The following UNC5D variants were observed in gnomAD, a reference collection of about 807,000 sequenced individuals.
UNC5D encodes netrin receptor UNC5D.
In UNC5D, 39 loss-of-function variants were observed where a neutral mutation model predicts 105.4. That is an observed-to-expected ratio of 0.37 (90% CI 0.29 to 0.48). The LOEUF is 0.48. Ranked by LOEUF, UNC5D falls within the 20% of genes least tolerant of loss-of-function variation. The probability of loss-of-function intolerance (pLI) is 0.98; values close to 1 mark genes in which losing one functional copy is unlikely to be tolerated. For missense variants in UNC5D, 991 were observed against 1,202.4 expected (o/e 0.82, Z 2.60); for synonymous variants, 452 against 450.4 (o/e 1.00, Z -0.04).
intron 4 of UNC5D, among the ~76,000 whole-genome samples, chr8:35,681,841 T>C (rs1825683778): frequency 6.6e-6 from 1 of 152,212 alleles, no homozygotes; most frequent in African/African-American, 2.4e-5. Flanking sequence ...TAAGCTCTCA[T>C]TCATGGGGTG....
rs1008272704 is a variant in UNC5D at position 35,271,008 on chromosome 8, C to T, written c.103+35121C>T. The stretch of plus-strand genomic sequence containing the variant: ...TTCTCATCAGCAGAGCACATCTATT[C>T]GGGTGAGCTACATTTTTAAAATATA... On this transcript the variant is annotated intron_variant, in intron 1 of 16. Transcript: ENST00000404895. 9.2e-5 allele frequency among the ~76,000 whole-genome samples: 14 copies of T among 151,698 alleles called. No homozygotes were observed. The South Asian group carries it at 1.0e-3, about 11-fold the overall frequency.
chr8:35,536,297 C>A (rs942176400), intron 1 of UNC5D, among the ~76,000 whole-genome samples: 2 of 152,080 alleles, frequency 1.3e-5, no homozygotes, highest in East Asian at 3.9e-4. Flanking sequence ...GACTAAATAC[C>A]ACATCCGAGC....
intron 1 of UNC5D, among the ~76,000 whole-genome samples, chr8:35,311,573 T>C (rs1808887305): frequency 1.3e-5 from 2 of 152,284 alleles, no homozygotes; most frequent in South Asian, 2.1e-4. Flanking sequence ...ACCCAGTATA[T>C]GTCAGGGTGG....
At chr8:35,717,737 T>C (rs1024510675) in intron 8 of UNC5D, among the ~76,000 whole-genome samples, 1 of 152,222 alleles carries the variant, frequency 6.6e-6, no homozygotes, top group East Asian at 1.9e-4. Flanking sequence ...TAAAAGGTCA[T>C]GTCCTCTTTT....
chr8:35,756,864 G>A (rs1364229497), intron 13 of UNC5D, among the ~76,000 whole-genome samples: 3 of 152,182 alleles, frequency 2.0e-5, no homozygotes, highest in Non-Finnish European at 2.9e-5. Flanking sequence ...TCCTGGCGTC[G>A]ACTACTTCAT....
intron 1 of UNC5D, among the ~76,000 whole-genome samples, chr8:35,248,796 TA>T (rs1387863685): frequency 9.2e-5 from 9 of 97,954 alleles, no homozygotes; most frequent in Admixed American, 1.6e-4. Context: ...ATATAATATA[TA>T]AAAATATAAT....
At chr8:35,345,827 A>AAT (rs1486843278) in intron 1 of UNC5D, among the ~76,000 whole-genome samples, 3 of 152,044 alleles carry the variant, frequency 2.0e-5, no homozygotes, top group Non-Finnish European at 4.4e-5. Flanking sequence ...TTATGATTCC[A>AAT]ATACAGACCT....
At chr8:35,282,919 A>T (rs1239672277) in intron 1 of UNC5D, among the ~76,000 whole-genome samples, 1 of 152,030 alleles carries the variant, frequency 6.6e-6, no homozygotes, top group Non-Finnish European at 1.5e-5. Flanking sequence ...TTTTTTGGGC[A>T]GCTTTTTTAC....
At chr8:35,453,999 T>G (rs1808329704) in intron 1 of UNC5D, among the ~76,000 whole-genome samples, 1 of 151,992 alleles carries the variant, frequency 6.6e-6, no homozygotes, top group Non-Finnish European at 1.5e-5. Flanking sequence ...AAAAGAAAAA[T>G]ATTAATACAA....
In UNC5D at chr8:35,597,043, A is replaced by G. The variant is rs538031960; in HGVS notation, c.570+1386A>G. On this transcript the variant is annotated intron_variant, in intron 4 of 16. Transcript: ENST00000404895. ...ATGGAGAAGCAGATATACAAAGAAA[A>G]AGAAAAAACCAGGAGGCTTTGCTTC... Among the ~76,000 whole-genome samples the G allele has an allele frequency of 2.0e-5, 3 of 152,334 alleles. No homozygotes were observed. In the South Asian group the frequency reaches 6.2e-4, roughly 32 times the overall value.
intron 3 of UNC5D, among the ~76,000 whole-genome samples, chr8:35,591,586 A>T (rs937921386): frequency 1.3e-5 from 2 of 152,012 alleles, no homozygotes; most frequent in Non-Finnish European, 2.9e-5. Flanking sequence ...TCCTTTTAAA[A>T]TTCCTATTAT....
intron 1 of UNC5D, among the ~76,000 whole-genome samples, chr8:35,312,709 G>A (rs183474390): frequency 5.9e-5 from 9 of 152,248 alleles, no homozygotes; most frequent in East Asian, 5.8e-4. Flanking sequence ...TATAAGGGCC[G>A]TCAGATCATA....
At chr8:35,773,867 C>T (rs1408333743) in intron 15 of UNC5D, among the ~76,000 whole-genome samples, 1 of 152,112 alleles carries the variant, frequency 6.6e-6, no homozygotes, top group African/African-American at 2.4e-5. Flanking sequence ...TGATTACAGG[C>T]ACCTGCCACT....
chr8:35,590,764 ATACT>A (rs1821330109), intron 3 of UNC5D, among the ~76,000 whole-genome samples: 1 of 152,174 alleles, frequency 6.6e-6, no homozygotes, highest in African/African-American at 2.4e-5. Flanking sequence ...AACATTGAGG[ATACT>A]TACTGAGTCA....
chr8:35,337,491 C>T (rs1164223315), intron 1 of UNC5D, among the ~76,000 whole-genome samples: 1 of 152,056 alleles, frequency 6.6e-6, no homozygotes, highest in African/African-American at 2.4e-5. Flanking sequence ...TGGATCTGTC[C>T]AGGTGGTGCA....
intron 4 of UNC5D, among the ~76,000 whole-genome samples, chr8:35,602,237 A>G (rs1312170220): frequency 6.6e-6 from 1 of 152,182 alleles, no homozygotes; most frequent in Non-Finnish European, 1.5e-5. Flanking sequence ...AGTGTTCATC[A>G]AGGATATTGG....
At chr8:35,319,138 A>T (rs1420711288) in intron 1 of UNC5D, among the ~76,000 whole-genome samples, 2 of 152,148 alleles carry the variant, frequency 1.3e-5, no homozygotes, top group African/African-American at 4.8e-5. Context: ...CAGCTATGTA[A>T]GTATGGCAAT....
intron 4 of UNC5D, among the ~76,000 whole-genome samples, chr8:35,674,407 GTA>G (rs1355770594): frequency 2.3e-4 from 35 of 152,184 alleles, no homozygotes; most frequent in African/African-American, 8.2e-4. Context: ...GTGTGTTTGT[GTA>G]TGTGTGTGTG....
intron 1 of UNC5D, among the ~76,000 whole-genome samples, chr8:35,238,531 A>T (rs1051040288): frequency 2.6e-5 from 4 of 152,198 alleles, no homozygotes; most frequent in African/African-American, 9.7e-5. Flanking sequence ...TTTAAAAGTT[A>T]TTCATGACCT....
Sources: gnomAD v4.1 joint callset for allele counts (sites outside exome capture counted in the v4.1 genomes callset) on GRCh38, gnomAD v4.1.1 for gene constraint, MANE v1.5 for transcripts, NCBI Gene and HGNC (gene_info 2026-07-23, HGNC 2026-07-21) for gene names.